EIF2B3: variants seen among roughly 807,000 people sequenced by gnomAD.
EIF2B3 encodes translation initiation factor eIF2B subunit gamma.
Under a neutral mutation model 54.1 loss-of-function variants are expected in EIF2B3, and 20 were observed. The ratio of observed to expected loss-of-function variants is 0.37; its 90% CI spans 0.26 to 0.54. The LOEUF (loss-of-function observed/expected upper bound fraction) is 0.54. EIF2B3 is among the 20% of genes least tolerant of loss of function. The pLI is 0.86. For missense variants in EIF2B3, 448 were observed against 547.8 expected, an observed-to-expected ratio of 0.82 and a Z score of 1.82; for synonymous variants, 153 against 188.1, an observed-to-expected ratio of 0.81 and a Z score of 1.52.
chr1:44,901,548 GCC>G (rs1202243346), intron 5 of EIF2B3, among the ~76,000 whole-genome samples: 1 of 143,890 alleles, frequency 6.9e-6, no homozygotes, highest in Non-Finnish European at 1.5e-5. Flanking sequence ...ACTGGGCCTG[GCC>G]TTTTTTTTTT....
chr1:44,855,745 C>G (rs1180974256), intron 11 of EIF2B3, among the ~76,000 whole-genome samples: 1 of 151,986 alleles, frequency 6.6e-6, no homozygotes, highest in Non-Finnish European at 1.5e-5. Flanking sequence ...TTAGTAGAGA[C>G]GGGGTTTCAC....
At chr1:44,959,329 C>T (rs941952374) in intron 3 of EIF2B3, 14 of 608,824 alleles carry the variant, frequency 2.3e-5, no homozygotes, top group Middle Eastern at 7.5e-4. Context: ...TTTTGCCTCT[C>T]CTCTCTGAGT....
intron 8 of EIF2B3, among the ~76,000 whole-genome samples, chr1:44,878,415 A>C (rs1035669817): frequency 9.2e-5 from 14 of 152,106 alleles, no homozygotes; most frequent in African/African-American, 3.4e-4. Context: ...GGTGCATGCC[A>C]CCATGCTTGG....
intron 5 of EIF2B3, among the ~76,000 whole-genome samples, chr1:44,921,774 G>A (rs948432990): frequency 2.0e-5 from 3 of 151,994 alleles, no homozygotes; most frequent in Non-Finnish European, 1.5e-5. Flanking sequence ...GTACCATGCT[G>A]TTTTGGTTAC....
chr1:44,973,294 C>T (rs150605915), intron 3 of EIF2B3, among the ~76,000 whole-genome samples: 6 of 152,286 alleles, frequency 3.9e-5, no homozygotes, highest in African/African-American at 1.4e-4. Context: ...GTGGAGGCAA[C>T]CCAAGTGTCC....
At chr1:44,977,761 A>G (rs1009403041) in intron 3 of EIF2B3, among the ~76,000 whole-genome samples, 2 of 152,158 alleles carry the variant, frequency 1.3e-5, no homozygotes, top group Non-Finnish European at 2.9e-5. Flanking sequence ...TGCCTGGCCT[A>G]GAGTATGTCT....
chr1:44,889,354 G>C (rs1429108019), intron 6 of EIF2B3, among the ~76,000 whole-genome samples: 1 of 152,024 alleles, frequency 6.6e-6, no homozygotes, highest in East Asian at 2.0e-4. Context: ...TGGTGAACAT[G>C]GTGAAATGGC....
In EIF2B3 at chr1:44,932,016, G is replaced by A. The variant is rs546481413; in HGVS notation, c.455-5277C>T. 1.2e-4 allele frequency among the ~76,000 whole-genome samples: 19 copies of A among 152,264 alleles called. No homozygotes were observed. The South Asian group carries it at 3.9e-3, about 32-fold the overall frequency. ...AATCCCAGCTACTTGGGAGGTTGAA[G>A]CAGGAGAATTGCTTGAACCCAGGAG... On this transcript the variant is annotated intron_variant, in intron 4 of 11. Transcript: ENST00000360403.
intron 3 of EIF2B3, among the ~76,000 whole-genome samples, chr1:44,951,648 CT>C (rs1235286834): frequency 6.6e-6 from 1 of 152,190 alleles, no homozygotes; most frequent in Non-Finnish European, 1.5e-5. Flanking sequence ...GGCTAGTCTC[CT>C]TTTAAACTGA....
chr1:44,924,992 T>C (rs890950715), intron 5 of EIF2B3: 1 of 152,246 alleles, frequency 6.6e-6, no homozygotes, highest in African/African-American at 2.4e-5. Flanking sequence ...TGATATAACA[T>C]AAATGAATTC....
chr1:44,972,921 G>T (rs1644417278), intron 3 of EIF2B3, among the ~76,000 whole-genome samples: 1 of 151,920 alleles, frequency 6.6e-6, no homozygotes, highest in Non-Finnish European at 1.5e-5. Flanking sequence ...TATGCCCATG[G>T]TTCCAGCTAC....
chr1:44,958,763 A>G, intron 3 of EIF2B3: 1 of 1,522,680 alleles, frequency 6.6e-7, no homozygotes, highest in South Asian at 1.1e-5. Flanking sequence ...TCAATCCATC[A>G]GAGAAATATA....
chr1:44,877,561 G>A (rs567922657), intron 8 of EIF2B3, among the ~76,000 whole-genome samples: 144 of 152,126 alleles, frequency 9.5e-4, no homozygotes, highest in Non-Finnish European at 1.5e-3. Flanking sequence ...CTGTGACCAC[G>A]CATGAGGTGA....
intron 4 of EIF2B3, chr1:44,940,883 T>TA (rs921054301): frequency 6.6e-6 from 1 of 152,254 alleles, no homozygotes; most frequent in African/African-American, 2.4e-5. Context: ...ATAGTAACTT[T>TA]AATTCCTTTT....
In EIF2B3 at chr1:44,864,700, TAG is replaced by T. The variant is rs145907561; in HGVS notation, c.1203-6895_1203-6894del. Among the ~76,000 whole-genome samples the T allele has an allele frequency of 1.8e-3, 278 of 152,356 alleles. 8 individuals are homozygous for T. The East Asian group carries it at 0.044, about 24-fold the overall frequency. ...TCCTTGGCTATATTATGTCTTCAGG[TAG>T]AGTTTTCCAGAGGGTTCATGGGTGA... is the stretch of plus-strand genomic sequence containing the variant. On this transcript the variant is annotated intron_variant, in intron 10 of 11. Coordinates refer to ENST00000360403, the MANE Select transcript of EIF2B3 (RefSeq NM_020365.5).
At chr1:44,869,284 C>T (rs1654880769) in intron 10 of EIF2B3, among the ~76,000 whole-genome samples, 1 of 151,964 alleles carries the variant, frequency 6.6e-6, no homozygotes, top group South Asian at 2.1e-4. Context: ...TCGTAACTAA[C>T]CTGGCCAACA....
At chr1:44,865,789 G>A (rs924703509) in intron 10 of EIF2B3, among the ~76,000 whole-genome samples, 6 of 151,826 alleles carry the variant, frequency 4.0e-5, no homozygotes, top group Non-Finnish European at 8.8e-5. Flanking sequence ...GGCTGGTCTC[G>A]AACTCCTGAC....
chr1:44,975,470 C>A (rs1343591465), intron 3 of EIF2B3, among the ~76,000 whole-genome samples: 1 of 151,950 alleles, frequency 6.6e-6, no homozygotes, highest in African/African-American at 2.4e-5. Context: ...AGGTAACAAA[C>A]CTGTATGTTA....
chr1:44,980,813 T>C (rs1644503759), intron 2 of EIF2B3, among the ~76,000 whole-genome samples: 1 of 152,162 alleles, frequency 6.6e-6, no homozygotes, highest in South Asian at 2.1e-4. Flanking sequence ...TGGATCATTG[T>C]GGACATCAGC....
Sources: gnomAD v4.1 joint callset for allele counts (sites outside exome capture counted in the v4.1 genomes callset) on GRCh38, gnomAD v4.1.1 for gene constraint, MANE v1.5 for transcripts, NCBI Gene and HGNC (gene_info 2026-07-23, HGNC 2026-07-21) for gene names.